SLC71A1: variants seen among roughly 807,000 people sequenced by gnomAD.
SLC71A1 encodes the protein solute carrier family 71 member 1.
At chr1:100,044,863 A>C in the SLC71A1 span, among the ~76,000 whole-genome samples, 1 of 152,142 alleles carries the variant, frequency 6.6e-6, no homozygotes, top group Non-Finnish European at 1.5e-5. Flanking sequence ...ATTGGTCTTC[A>C]TGCCTATTTT....
the SLC71A1 span, among the ~76,000 whole-genome samples, chr1:100,041,430 A>T: frequency 6.6e-6 from 1 of 152,302 alleles, no homozygotes; most frequent in East Asian, 1.9e-4. Context: ...TTTTGGCTAT[A>T]CATGTTTCTT....
At chr1:100,039,422 G>A in the SLC71A1 span, among the ~76,000 whole-genome samples, 2 of 152,270 alleles carry the variant, frequency 1.3e-5, no homozygotes, top group African/African-American at 4.8e-5. Context: ...TGACATTTCA[G>A]AACACGGCCC....
the SLC71A1 span, among the ~76,000 whole-genome samples, chr1:100,041,595 A>T: frequency 1.8e-4 from 27 of 152,232 alleles, no homozygotes; most frequent in Non-Finnish European, 1.3e-4. Flanking sequence ...AAGTAACCAT[A>T]TTAGTGAATT....
the SLC71A1 span, chr1:100,042,982 C>T: frequency 2.2e-6 from 1 of 447,710 alleles, no homozygotes; most frequent in Non-Finnish European, 3.0e-6. Context: ...CTGGCAGCAT[C>T]ATTAATTACT....
the SLC71A1 span, among the ~76,000 whole-genome samples, chr1:100,053,073 C>T: frequency 6.6e-6 from 1 of 152,226 alleles, no homozygotes; most frequent in African/African-American, 2.4e-5. Context: ...CATAAGCCAC[C>T]ATGCCCAGCC....
chr1:100,045,515 A>G, the SLC71A1 span, among the ~76,000 whole-genome samples: 2 of 152,228 alleles, frequency 1.3e-5, no homozygotes, highest in South Asian at 2.1e-4. Flanking sequence ...TACTCTGGTT[A>G]GGACTTCTAA....
the SLC71A1 span, among the ~76,000 whole-genome samples, chr1:100,076,562 C>T: frequency 6.6e-6 from 1 of 152,102 alleles, no homozygotes; most frequent in Non-Finnish European, 1.5e-5. Flanking sequence ...TCCCCATTTG[C>T]AAAGAGACAA....
chr1:100,057,096 A>G, the SLC71A1 span, among the ~76,000 whole-genome samples: 1 of 152,038 alleles, frequency 6.6e-6, no homozygotes, highest in Non-Finnish European at 1.5e-5. Flanking sequence ...TAGTTTGCAG[A>G]TATTTTCTCC....
At chr1:100,041,186 TAAATC>T in the SLC71A1 span, among the ~76,000 whole-genome samples, 4 of 152,232 alleles carry the variant, frequency 2.6e-5, no homozygotes, top group East Asian at 7.7e-4. Context: ...GCTGAAGAAA[TAAATC>T]CTTCTAAATG....
the SLC71A1 span, among the ~76,000 whole-genome samples, chr1:100,071,289 CAAAAAAAAAAAAA>C: frequency 0.077 from 4,159 of 53,708 alleles, 296 homozygotes; most frequent in African/African-American, 0.24. Context: ...CCATCTCTAC[CAAAAAAAAAAAAA>C]AAAAAAAAAA....
chr1:100,074,144 G>A, the SLC71A1 span, among the ~76,000 whole-genome samples: 1 of 152,184 alleles, frequency 6.6e-6, no homozygotes, highest in Non-Finnish European at 1.5e-5. Flanking sequence ...TAGGCTGTAG[G>A]GGAAGGAGTC....
chr1:100,055,672 C>T, the SLC71A1 span, among the ~76,000 whole-genome samples: 36 of 152,156 alleles, frequency 2.4e-4, no homozygotes, highest in African/African-American at 8.4e-4. Context: ...ATAATTACGT[C>T]AGGGTAAATG....
the SLC71A1 span, among the ~76,000 whole-genome samples, chr1:100,077,837 A>G: frequency 2.6e-5 from 4 of 152,074 alleles, no homozygotes; most frequent in Admixed American, 1.3e-4. Context: ...ATGGCACTGA[A>G]CTCCATGGTT....
chr1:100,067,936 A>G, the SLC71A1 span: 3 of 1,543,180 alleles, frequency 1.9e-6, no homozygotes, highest in African/African-American at 4.1e-5. Context: ...TGAGGAAAAA[A>G]GTAGCCTGAC....
chr1:100,069,192 C>T, the SLC71A1 span, among the ~76,000 whole-genome samples: 1 of 152,014 alleles, frequency 6.6e-6, no homozygotes, highest in East Asian at 1.9e-4. Context: ...ATGATTTAAC[C>T]CCTTCACCTG....
chr1:100,045,987 G>A, the SLC71A1 span, among the ~76,000 whole-genome samples: 9 of 152,068 alleles, frequency 5.9e-5, no homozygotes, highest in African/African-American at 2.2e-4. Flanking sequence ...TCTGTATATG[G>A]ATATCCACTT....
chr1:100,041,532 A>C, the SLC71A1 span, among the ~76,000 whole-genome samples: 15 of 152,272 alleles, frequency 9.9e-5, no homozygotes, highest in African/African-American at 3.6e-4. Flanking sequence ...TAAGTTCCAC[A>C]TATTATATTC....
At chr1:100,056,172 A>G in the SLC71A1 span, among the ~76,000 whole-genome samples, 1 of 151,912 alleles carries the variant, frequency 6.6e-6, no homozygotes, top group Non-Finnish European at 1.5e-5. Context: ...CTCTCCCACT[A>G]CCCTTCCCGG....
At chr1:100,054,461 TA>T in the SLC71A1 span, among the ~76,000 whole-genome samples, 1 of 152,094 alleles carries the variant, frequency 6.6e-6, no homozygotes, top group Non-Finnish European at 1.5e-5. Flanking sequence ...TCCACCCACC[TA>T]AGCCTCCCAA....
Sources: gnomAD v4.1 joint callset for allele counts (sites outside exome capture counted in the v4.1 genomes callset) on GRCh38, gnomAD v4.1.1 for gene constraint, MANE v1.5 for transcripts, NCBI Gene and HGNC (gene_info 2026-07-23, HGNC 2026-07-21) for gene names.